The following FRMD6 variants were observed in gnomAD, a reference collection of about 807,000 sequenced individuals.
FRMD6 encodes FERM domain-containing protein 6.
Under a neutral mutation model 73.2 loss-of-function variants are expected in FRMD6, and 37 were observed. The ratio of observed to expected loss-of-function variants is 0.51; its 90% confidence interval spans 0.39 to 0.66. The LOEUF (loss-of-function observed/expected upper bound fraction) is 0.66, where lower values mean the gene tolerates loss of function less well. Among genes scored for constraint, FRMD6 ranks in the 30% least tolerant of loss-of-function variants. FRMD6 has a pLI of 0.00. For missense variants in FRMD6, 714 were observed against 780.5 expected (o/e 0.91, Z 1.02); for synonymous variants, 273 against 282.2 (o/e 0.97, Z 0.33).
chr14:51,479,144 T>C, the FRMD6 span, among the ~76,000 whole-genome samples: 8 of 152,124 alleles, frequency 5.3e-5, no homozygotes, highest in Non-Finnish European at 1.2e-4. Flanking sequence ...TCTTTAACGT[T>C]TCAAGTGAGT....
At chr14:51,456,025 C>A in the FRMD6 span, among the ~76,000 whole-genome samples, 2 of 152,152 alleles carry the variant, frequency 1.3e-5, no homozygotes, top group African/African-American at 4.8e-5. Context: ...AGGAGAGGAG[C>A]AGTTCCTTGC....
At chr14:51,466,290 T>G in the FRMD6 span, among the ~76,000 whole-genome samples, 1 of 152,232 alleles carries the variant, frequency 6.6e-6, no homozygotes, top group Non-Finnish European at 1.5e-5. Flanking sequence ...TTGTTTCTTT[T>G]GTAATTCATG....
In FRMD6 at chr14:51,508,000, C is replaced by T. The variant is rs147648907; in HGVS notation, c.-210+18580C>T. ...GATCCCTTACCTGATTGTGGGAGCC[C>T]CCTCATCCTTTGCTGTGCCTCCCCC... On this transcript the variant is annotated intron_variant, in intron 1 of 14. Coordinates refer to the FRMD6 transcript ENST00000356218. Among the ~76,000 whole-genome samples the T allele has an allele frequency of 3.1e-3, 479 of 152,246 alleles. 3 individuals carry two copies. The highest frequency in any genetic ancestry group is 2.7e-3 in the Non-Finnish European group (185 of 68,010).
chr14:51,402,509 C>T, the FRMD6 span, among the ~76,000 whole-genome samples: 5 of 152,290 alleles, frequency 3.3e-5, no homozygotes, highest in Middle Eastern at 3.4e-3. Context: ...CTGCCATCCA[C>T]GTAAGATATG....
At chr14:51,539,918 G>A (rs1000743518) in intron 1 of FRMD6, among the ~76,000 whole-genome samples, 6 of 152,152 alleles carry the variant, frequency 3.9e-5, no homozygotes, top group Admixed American at 3.3e-4. Context: ...AACAAAAATA[G>A]GGAAATCCCC....
the FRMD6 span, among the ~76,000 whole-genome samples, chr14:51,428,240 G>A: frequency 8.5e-5 from 13 of 152,126 alleles, no homozygotes; most frequent in Non-Finnish European, 1.6e-4. Flanking sequence ...ATCACCTGGG[G>A]AGCCAATACA....
intron 1 of FRMD6, among the ~76,000 whole-genome samples, chr14:51,527,801 A>G (rs941411532): frequency 5.3e-5 from 8 of 152,216 alleles, no homozygotes; most frequent in Non-Finnish European, 1.2e-4. Context: ...ATGGTGAGGC[A>G]TACATTAACA....
chr14:51,727,205 A>G (rs1390419555), intron 13 of FRMD6, among the ~76,000 whole-genome samples: 1 of 152,126 alleles, frequency 6.6e-6, no homozygotes, highest in Non-Finnish European at 1.5e-5. Context: ...TGGCCTTTTA[A>G]AGAGAAAAAC....
intron 2 of FRMD6, among the ~76,000 whole-genome samples, chr14:51,578,458 G>GTGTATTTTCATTTTTGTTTC (rs1566480403): frequency 3.3e-5 from 5 of 152,190 alleles, no homozygotes; most frequent in African/African-American, 1.2e-4. Flanking sequence ...ATTTTTGTTT[G>GTGTATTTTCATTTTTGTTTC]TGTATTTTCA....
the FRMD6 span, among the ~76,000 whole-genome samples, chr14:51,418,836 G>A: frequency 2.0e-5 from 3 of 152,242 alleles, no homozygotes; most frequent in African/African-American, 7.2e-5. Flanking sequence ...GGTCCACCCA[G>A]TTTGAGCTTC....
chr14:51,560,417 G>C (rs1034306387), intron 1 of FRMD6, among the ~76,000 whole-genome samples: 1 of 152,280 alleles, frequency 6.6e-6, no homozygotes, highest in Middle Eastern at 3.4e-3. Context: ...AGACAGACAG[G>C]CTTGGTATAA....
chr14:51,498,599 A>T (rs1883435358), intron 1 of FRMD6, among the ~76,000 whole-genome samples: 1 of 152,214 alleles, frequency 6.6e-6, no homozygotes, highest in Non-Finnish European at 1.5e-5. Flanking sequence ...TAGCTGGGAC[A>T]GCTGGGCCTC....
At chr14:51,418,713 T>C in the FRMD6 span, among the ~76,000 whole-genome samples, 12 of 152,346 alleles carry the variant, frequency 7.9e-5, no homozygotes, top group South Asian at 1.0e-3. Flanking sequence ...TCTTCAGAGC[T>C]GTCAGACAGG....
chr14:51,409,889 C>T, the FRMD6 span, among the ~76,000 whole-genome samples: 1 of 152,124 alleles, frequency 6.6e-6, no homozygotes, highest in Non-Finnish European at 1.5e-5. Flanking sequence ...ACGCCCGGCC[C>T]AACGCAGTAT....
At chr14:51,694,401 A>G (rs971931124) in intron 2 of FRMD6, among the ~76,000 whole-genome samples, 16 of 152,154 alleles carry the variant, frequency 1.1e-4, no homozygotes, top group Non-Finnish European at 5.9e-5. Context: ...TTAAAAGTCC[A>G]TATAGAGGCT....
intron 1 of FRMD6, among the ~76,000 whole-genome samples, chr14:51,510,811 T>C (rs1884254577): frequency 6.6e-6 from 1 of 152,218 alleles, no homozygotes; most frequent in Admixed American, 6.5e-5. Flanking sequence ...TCTTTAGTTT[T>C]CTTTTCCCAT....
chr14:51,493,424 C>T (rs557821997), intron 1 of FRMD6, among the ~76,000 whole-genome samples: 20 of 152,160 alleles, frequency 1.3e-4, no homozygotes, highest in Non-Finnish European at 7.4e-5. Flanking sequence ...TTTCCTGTGC[C>T]GTTCTTGTGA....
At chr14:51,478,450 AT>A in the FRMD6 span, among the ~76,000 whole-genome samples, 3 of 152,250 alleles carry the variant, frequency 2.0e-5, no homozygotes, top group Non-Finnish European at 2.9e-5. Context: ...AAAAGTATCT[AT>A]TTTAGTGCTT....
chr14:51,501,106 T>C (rs1006473839), intron 1 of FRMD6, among the ~76,000 whole-genome samples: 4 of 152,206 alleles, frequency 2.6e-5, no homozygotes, highest in African/African-American at 9.6e-5. Flanking sequence ...AGAATTATAC[T>C]ATGCACTGAA....
Sources: allele counts gnomAD v4.1 joint callset (sites outside exome capture counted in the v4.1 genomes callset), GRCh38; gene constraint gnomAD v4.1.1; transcripts MANE v1.5; gene names NCBI Gene and HGNC (gene_info 2026-07-23, HGNC 2026-07-21).